The following SMU1 variants were observed in gnomAD, a reference collection of about 807,000 sequenced individuals.
The protein encoded by SMU1 is WD40 repeat-containing protein SMU1.
A neutral mutation model predicts 62.0 loss-of-function variants in SMU1; 2 were observed. The observed-to-expected ratio is 0.03, with a 90% confidence interval of 0.01 to 0.10. The LOEUF is 0.10. Ranked by LOEUF, SMU1 falls within the 10% of genes least tolerant of loss-of-function variation. SMU1 has a pLI of 1.00. For synonymous variants in SMU1, 188 were observed against 212.4 expected (o/e 0.89, Z 1.00); for missense variants, 227 against 622.1 (o/e 0.36, Z 6.76).
In SMU1 at chr9:33,051,093, C is replaced by G. The variant is rs537818023; in HGVS notation, c.1290+2030G>C. Among the ~76,000 whole-genome samples the G allele has an allele frequency of 1.7e-3, 183 of 109,464 alleles. 12 individuals carry two copies. The highest frequency in any genetic ancestry group is 5.6e-3 in the African/African-American group (178 of 31,898). 71.8% of individuals were successfully genotyped at this position (109,464 alleles called of 152,430 possible). A position where few individuals can be genotyped will look rare whatever the true frequency, so the allele number is the denominator to read the frequency against. The stretch of plus-strand genomic sequence containing the variant: ...CCGAGATCGCGCCACTGCACTCCAG[C>G]CTGGGCGACAGAGCGAGACTCTGTC... On this transcript the variant is annotated intron_variant, in intron 10 of 11. Coordinates refer to ENST00000397149, the MANE Select transcript of SMU1 (RefSeq NM_018225.3).
At chr9:33,064,546 C>G (rs1346685855) in intron 4 of SMU1, among the ~76,000 whole-genome samples, 1 of 152,078 alleles carries the variant, frequency 6.6e-6, no homozygotes, top group East Asian at 1.9e-4. Context: ...GTGGTATTCC[C>G]CATTGTCATC....
chr9:33,062,523 C>T (rs930108931), intron 4 of SMU1, among the ~76,000 whole-genome samples: 2 of 152,174 alleles, frequency 1.3e-5, no homozygotes, highest in African/African-American at 4.8e-5. Context: ...ATACTACCTT[C>T]CAATCTTCCC....
At chr9:33,049,662 G>T (rs1210720229) in intron 10 of SMU1, among the ~76,000 whole-genome samples, 1 of 152,096 alleles carries the variant, frequency 6.6e-6, no homozygotes, top group East Asian at 1.9e-4. Flanking sequence ...CAGATGCAGT[G>T]GCTCATGCCT....
At chr9:33,060,725 G>T in intron 5 of SMU1, 141 bp from the exon 6 acceptor site, 1 of 1,019,310 alleles carries the variant, frequency 9.8e-7, no homozygotes. Flanking sequence ...GGGTATTTCT[G>T]TACCTGGACG....
rs112622707 is a variant in SMU1, at chr9:33,062,185, G to GAAA, written c.502-11_502-9dup. ...CTGCTGCCACTTCAGTGCCTATGAGGAAAAAAAAAAATATAGCAATCTGTT... is the reference window on the plus strand; with the variant it reads ...CTGCTGCCACTTCAGTGCCTATGAGGAAAAAAAAAAAAAATATAGCAATCTGTT... On this transcript the variant is annotated splice_polypyrimidine_tract_variant and intron_variant, in intron 4 of 11. Coordinates refer to ENST00000397149, the MANE Select transcript of SMU1 (RefSeq NM_018225.3). 7.7e-5 allele frequency: 103 copies of GAAA among 1,332,250 alleles called. No individual in the cohort carries two copies. The highest frequency in any genetic ancestry group is 1.0e-4 in the Non-Finnish European group (98 of 979,282). The allele number at this position is 1,332,250 out of a possible 1,614,324, so 82.5% of individuals were successfully genotyped here.
intron 3 of SMU1, among the ~76,000 whole-genome samples, chr9:33,070,764 A>G (rs1839476840): frequency 6.6e-6 from 1 of 152,252 alleles, no homozygotes; most frequent in South Asian, 2.1e-4. Context: ...GGTAAGCGAA[A>G]TAAGCCAGGC....
chr9:33,059,448 T>C (rs186532286), intron 6 of SMU1, among the ~76,000 whole-genome samples: 1 of 151,264 alleles, frequency 6.6e-6, no homozygotes, highest in South Asian at 2.1e-4. Context: ...AAAAAAAAAT[T>C]TGTTTTTTGC....
chr9:33,058,420 A>C (rs1437783796), intron 6 of SMU1, among the ~76,000 whole-genome samples: 1 of 152,134 alleles, frequency 6.6e-6, no homozygotes, highest in African/African-American at 2.4e-5. Context: ...GGGTTCGAGC[A>C]ATACTCCTGC....
intron 1 of SMU1, 106 bp from the exon 2 acceptor site, chr9:33,073,912 T>C: frequency 9.5e-7 from 1 of 1,051,494 alleles, no homozygotes; most frequent in African/African-American, 1.6e-5. Context: ...TACTATTTCT[T>C]TATCATGTGA....
intron 1 of SMU1, among the ~76,000 whole-genome samples, chr9:33,076,151 T>G (rs1332081627): frequency 2.0e-5 from 3 of 152,156 alleles, no homozygotes; most frequent in Non-Finnish European, 1.5e-5. Context: ...TGATAAACGC[T>G]AGGCAGAGAA....
rs148699620 is a variant in SMU1 at position 33,065,125 on chromosome 9, T to C, written c.502-2948A>G. Among the ~76,000 whole-genome samples the C allele has an allele frequency of 3.7e-4, 57 of 152,292 alleles. 3 individuals carry two copies. The highest frequency in any genetic ancestry group is 3.3e-3 in the South Asian group (16 of 4,824). On this transcript the variant is annotated intron_variant, in intron 4 of 11. Transcript: ENST00000397149. ...ACTACTACTATAATTTCCAAATCTA[T>C]AATTTTAGCCAAAACCTCTAGGTTA...
At chr9:33,051,853 G>A (rs935658259) in intron 10 of SMU1, among the ~76,000 whole-genome samples, 2 of 151,814 alleles carry the variant, frequency 1.3e-5, no homozygotes, top group Non-Finnish European at 2.9e-5. Flanking sequence ...TCAGGAGTTC[G>A]AGACCAGCCT....
At chr9:33,071,209 G>A (rs1839482424) in intron 3 of SMU1, among the ~76,000 whole-genome samples, 1 of 151,902 alleles carries the variant, frequency 6.6e-6, no homozygotes, top group African/African-American at 2.4e-5. Context: ...AAAGGCTGGG[G>A]GGGTGGGCAG....
rs1224931048 is a variant in SMU1 at position 33,068,977 on chromosome 9, AC to A, written c.391-44del. On this transcript the variant is annotated intron_variant, in intron 3 of 11. Coordinates refer to ENST00000397149, the MANE Select transcript of SMU1 (RefSeq NM_018225.3). ...GTAGCATCATTTCCAAGAAGCAACA[AC>A]AAGATATGAGTGTGCTTATTTAAAA... 3 of 1,606,294 alleles carry A rather than the reference AC, an allele frequency of 1.9e-6. No homozygotes were observed. The East Asian group carries it at 6.7e-5, about 36-fold the overall frequency.
In SMU1 at chr9:33,042,287, C is replaced by G. The variant is rs202047447; in HGVS notation, c.*5006G>C. 5.1e-4 allele frequency: 78 copies of G among 152,672 alleles called. No homozygotes were observed. Among genetic ancestry groups the G allele is most frequent in the Non-Finnish European group, 4.3e-4 (29 of 68,070 alleles). 9.5% of individuals were successfully genotyped at this position (152,672 alleles called of 1,614,324 possible). On this transcript the variant is annotated 3_prime_UTR_variant, in exon 12 of 12. Coordinates refer to ENST00000397149, the MANE Select transcript of SMU1 (RefSeq NM_018225.3). ...CTACCACTAACAGCCTCTGTTGAAC[C>G]CTTCATTACTATGTAAGCAGCCATA...
intron 1 of SMU1, among the ~76,000 whole-genome samples, chr9:33,075,576 T>G (rs1345277952): frequency 1.3e-5 from 2 of 152,170 alleles, no homozygotes; most frequent in Non-Finnish European, 2.9e-5. Flanking sequence ...ACATTTGACA[T>G]AGCCAAAATC....
rs192841164 is a variant in SMU1 at position 33,073,576 on chromosome 9, A to G, written c.237+20T>C. 4.5e-5 allele frequency: 71 copies of G among 1,584,814 alleles called. No individual in the cohort carries two copies. The African/African-American group carries it at 8.1e-4, about 18-fold the overall frequency. On this transcript the variant is annotated intron_variant, in intron 2 of 11. Coordinates refer to ENST00000397149, the MANE Select transcript of SMU1 (RefSeq NM_018225.3). ...CACAACGAACCAACCCATGGGGATC[A>G]GCATCACCACCACTCTTACCTGTTC...
At chr9:33,063,661 G>C (rs979334082) in intron 4 of SMU1, among the ~76,000 whole-genome samples, 1 of 151,894 alleles carries the variant, frequency 6.6e-6, no homozygotes, top group East Asian at 1.9e-4. Flanking sequence ...CGCAGCATTA[G>C]ATTCTCATAG....
intron 4 of SMU1, among the ~76,000 whole-genome samples, chr9:33,068,089 C>T (rs1184536234): frequency 6.6e-6 from 1 of 152,198 alleles, no homozygotes; most frequent in Non-Finnish European, 1.5e-5. Context: ...TTCTCTTAAT[C>T]CTTACTCTCA....
Sources: allele counts gnomAD v4.1 joint callset (sites outside exome capture counted in the v4.1 genomes callset), GRCh38; gene constraint gnomAD v4.1.1; transcripts MANE v1.5; gene names NCBI Gene and HGNC (gene_info 2026-07-23, HGNC 2026-07-21).